The following ATAD2B variants were observed in gnomAD, a reference collection of about 807,000 sequenced individuals.
ATAD2B encodes ATPase family AAA domain containing 2B, also known as ATPase family AAA domain-containing protein 2B.
In ATAD2B, 40 loss-of-function variants were observed where a neutral mutation model predicts 167.6. The observed-to-expected ratio is 0.24, with a 90% confidence interval of 0.19 to 0.31. The LOEUF (loss-of-function observed/expected upper bound fraction) is 0.31, where lower values mean the gene tolerates loss of function less well. Among genes scored for constraint, ATAD2B ranks in the 10% least tolerant of loss-of-function variants. ATAD2B has a pLI of 1.00. For synonymous variants in ATAD2B, 579 were observed against 596.5 expected (o/e 0.97, Z 0.43); for missense variants, 1,242 against 1,757.2 (o/e 0.71, Z 5.24).
At chr2:23,872,875 A>T (rs2150123360) in intron 8 of ATAD2B, 1 of 836,304 alleles carries the variant, frequency 1.2e-6, no homozygotes, top group East Asian at 2.4e-5. Flanking sequence ...CAGCCATCTC[A>T]CAGTGCCTGC....
At chr2:23,727,781 A>G in the ATAD2B span, among the ~76,000 whole-genome samples, 2 of 152,232 alleles carry the variant, frequency 1.3e-5, no homozygotes, top group Admixed American at 6.5e-5. Context: ...GGAACCTTAA[A>G]TGCATATTGT....
chr2:23,856,478 G>A (rs1199442341), intron 13 of ATAD2B: 1 of 407,698 alleles, frequency 2.5e-6, no homozygotes, highest in African/African-American at 2.2e-5. Flanking sequence ...CCCATCAGAT[G>A]GTAGATTGAA....
At chr2:23,921,035 T>G (rs1456297818) in intron 1 of ATAD2B, among the ~76,000 whole-genome samples, 1 of 151,642 alleles carries the variant, frequency 6.6e-6, no homozygotes, top group Non-Finnish European at 1.5e-5. Flanking sequence ...TGAAGCCCTG[T>G]CTCTACTAAA....
intron 1 of ATAD2B, among the ~76,000 whole-genome samples, chr2:23,920,877 A>G (rs958490810): frequency 2.6e-5 from 4 of 152,196 alleles, no homozygotes; most frequent in African/African-American, 9.7e-5. Flanking sequence ...AGTGTAAAAC[A>G]TTCTTATTGA....
chr2:23,687,445 C>T, the ATAD2B span, among the ~76,000 whole-genome samples: 260 of 152,352 alleles, frequency 1.7e-3, 3 homozygotes, highest in Non-Finnish European at 2.9e-4. Context: ...TGCAGACGCC[C>T]TGCCCCACAG....
chr2:23,899,728 C>G (rs1700571151), intron 1 of ATAD2B, among the ~76,000 whole-genome samples: 1 of 151,904 alleles, frequency 6.6e-6, no homozygotes. Flanking sequence ...GTAGCTGAGA[C>G]TACAGGCACA....
chr2:23,740,274 C>T, the ATAD2B span, among the ~76,000 whole-genome samples: 1 of 152,184 alleles, frequency 6.6e-6, no homozygotes, highest in African/African-American at 2.4e-5. Flanking sequence ...ACCAATATCC[C>T]TGATGAACAT....
rs535680696 is a variant in ATAD2B at position 23,905,103 on chromosome 2, A to T, written c.217-9133T>A. On this transcript the variant is annotated intron_variant, in intron 1 of 27. Transcript: ENST00000238789. ...TTAGTTTAGGAGATACAGAAAGATT[A>T]AAAAAGTCTATAATAATTTAAAATG... is the stretch of plus-strand genomic sequence containing the variant. Among the ~76,000 whole-genome samples, 16 of 152,328 alleles carry T rather than the reference A, an allele frequency of 1.1e-4. No individual in the cohort carries two copies. The South Asian group carries it at 1.9e-3, about 18-fold the overall frequency.
chr2:23,889,186 A>G (rs1206595027), intron 2 of ATAD2B, among the ~76,000 whole-genome samples: 1 of 152,022 alleles, frequency 6.6e-6, no homozygotes, highest in Non-Finnish European at 1.5e-5. Flanking sequence ...TTCTCCCCAC[A>G]AGACAGAGTC....
At chr2:23,737,814 G>A in the ATAD2B span, among the ~76,000 whole-genome samples, 2 of 152,154 alleles carry the variant, frequency 1.3e-5, no homozygotes, top group Admixed American at 6.5e-5. Context: ...AAAATTAGAT[G>A]AATGGATAAC....
chr2:23,740,158 T>A, the ATAD2B span, among the ~76,000 whole-genome samples: 10 of 152,206 alleles, frequency 6.6e-5, no homozygotes, highest in African/African-American at 2.2e-4. Context: ...CTGAAACTAT[T>A]CCAATCAATA....
In ATAD2B at chr2:23,776,089, C is replaced by T. The variant is rs191691430; in HGVS notation, c.3133+6780G>A. On this transcript the variant is annotated intron_variant, in intron 22 of 27. Coordinates refer to ENST00000238789, the MANE Select transcript of ATAD2B (RefSeq NM_017552.4). The stretch of plus-strand genomic sequence containing the variant: ...CGAGATCACGCCACTGTACTCCAGC[C>T]TGGCAACAGAGCAAGACTCCGTCTC... Among the ~76,000 whole-genome samples the T allele has an allele frequency of 3.0e-3, 455 of 152,276 alleles. 3 individuals carry two copies. Among genetic ancestry groups the T allele is most frequent in the Middle Eastern group, 0.017 (5 of 294 alleles).
At chr2:23,877,423 G>A (rs1306835772) in intron 7 of ATAD2B, among the ~76,000 whole-genome samples, 3 of 150,054 alleles carry the variant, frequency 2.0e-5, no homozygotes, top group Non-Finnish European at 4.4e-5. Context: ...GATTCCAGGA[G>A]GCAGAGGTTG....
intron 1 of ATAD2B, among the ~76,000 whole-genome samples, chr2:23,918,083 T>G (rs1335995527): frequency 6.7e-6 from 1 of 149,630 alleles, no homozygotes; most frequent in African/African-American, 2.5e-5. Context: ...GAGAAAAATA[T>G]AAGCCAGGAG....
the ATAD2B span, among the ~76,000 whole-genome samples, chr2:23,737,238 G>A: frequency 6.6e-6 from 1 of 152,208 alleles, no homozygotes; most frequent in Non-Finnish European, 1.5e-5. Context: ...CTGAGAACGG[G>A]CAGACTGCCT....
intron 17 of ATAD2B, among the ~76,000 whole-genome samples, chr2:23,818,029 C>T (rs1222309342): frequency 1.3e-5 from 2 of 150,976 alleles, no homozygotes; most frequent in African/African-American, 4.9e-5. Flanking sequence ...TTAGTTTCTG[C>T]TACTACATAA....
At chr2:23,747,850 A>T (rs17461695), downstream of ATAD2B, among the ~76,000 whole-genome samples, 68,259 of 151,858 alleles carry the variant, frequency 0.45, 16,239 homozygotes, top group East Asian at 0.78. Context: ...AACATGAAAT[A>T]GATTTAAAGA....
chr2:23,788,088 G>A (rs1465965562), intron 20 of ATAD2B: 2 of 157,604 alleles, frequency 1.3e-5, no homozygotes, highest in African/African-American at 4.8e-5. Context: ...AAATAAACTA[G>A]AAATGGCAAA....
At chr2:23,909,993 G>C (rs1333621190) in intron 1 of ATAD2B, among the ~76,000 whole-genome samples, 1 of 151,594 alleles carries the variant, frequency 6.6e-6, no homozygotes, top group Non-Finnish European at 1.5e-5. Flanking sequence ...TTCCCAAGTA[G>C]CTGAGACTAC....
Sources: gnomAD v4.1 joint callset for allele counts (sites outside exome capture counted in the v4.1 genomes callset) on GRCh38, gnomAD v4.1.1 for gene constraint, MANE v1.5 for transcripts, NCBI Gene and HGNC (gene_info 2026-07-23, HGNC 2026-07-21) for gene names.